SMAP1: variants seen among roughly 807,000 people sequenced by gnomAD.
SMAP1 encodes the protein stromal membrane-associated protein 1.
SMAP1 carries 24 observed loss-of-function variants against 58.5 expected under a neutral mutation model. The observed-to-expected ratio is 0.41, with a 90% CI of 0.30 to 0.58. The LOEUF (loss-of-function observed/expected upper bound fraction) is 0.58. SMAP1 is among the 20% of genes least tolerant of loss of function. The probability of loss-of-function intolerance (pLI) is 0.29; values close to 1 mark genes in which losing one functional copy is unlikely to be tolerated. For missense variants in SMAP1, 563 were observed against 566.3 expected, an observed-to-expected ratio of 0.99 and a Z score of 0.06; for synonymous variants, 216 against 196.6, an observed-to-expected ratio of 1.10 and a Z score of -0.82.
At chr6:70,729,283 C>CA (rs1399979770) in intron 1 of SMAP1, among the ~76,000 whole-genome samples, 3 of 151,744 alleles carry the variant, frequency 2.0e-5, no homozygotes, top group African/African-American at 7.3e-5. Flanking sequence ...ACTAAAAATA[C>CA]AAAAAATTAG....
rs151146805 is a variant in SMAP1, at chr6:70,765,705, A to G, written c.339-7645A>G. On this transcript the variant is annotated intron_variant, in intron 3 of 10. Transcript: ENST00000370455. ...TATACTTGACAAATTTTTATTTTAC[A>G]ATTTGTATTCACTTTTCTTTTTTTA... Among the ~76,000 whole-genome samples the G allele has an allele frequency of 6.2e-3, 947 of 151,880 alleles. 12 individuals are homozygous for G. The highest frequency in any genetic ancestry group is 0.022 in the African/African-American group (900 of 41,488).
chr6:70,857,063 T>A (rs749317678), intron 9 of SMAP1, 33 bp downstream of exon 9: 1 of 1,558,778 alleles, frequency 6.4e-7, no homozygotes, highest in South Asian at 1.2e-5. Context: ...TTCAGTGACA[T>A]TACTAGAAGT....
At chr6:70,703,554 T>A (rs1434056792) in intron 1 of SMAP1, among the ~76,000 whole-genome samples, 1 of 152,238 alleles carries the variant, frequency 6.6e-6, no homozygotes, top group African/African-American at 2.4e-5. Flanking sequence ...ATAGAATTAA[T>A]TTTTCCATTA....
intron 1 of SMAP1, among the ~76,000 whole-genome samples, chr6:70,707,722 C>A (rs1050146499): frequency 6.6e-6 from 1 of 152,162 alleles, no homozygotes; most frequent in African/African-American, 2.4e-5. Context: ...TCTCCTGCCT[C>A]AGCCTCCTGA....
intron 4 of SMAP1, among the ~76,000 whole-genome samples, chr6:70,782,579 C>T (rs537808509): frequency 9.9e-5 from 15 of 152,186 alleles, no homozygotes; most frequent in South Asian, 2.1e-4. Flanking sequence ...CCTGAAACAT[C>T]GGACTCCAAG....
chr6:70,744,348 G>A (rs1293032403), intron 2 of SMAP1, among the ~76,000 whole-genome samples: 6 of 151,204 alleles, frequency 4.0e-5, no homozygotes, highest in African/African-American at 4.9e-5. Flanking sequence ...GATAGGCCCC[G>A]GTGTGTGATG....
intron 1 of SMAP1, among the ~76,000 whole-genome samples, chr6:70,687,394 A>T (rs1045712536): frequency 2.0e-5 from 3 of 152,194 alleles, no homozygotes; most frequent in Non-Finnish European, 1.5e-5. Context: ...ATTTTATTGT[A>T]CCATGTAATT....
intron 5 of SMAP1, among the ~76,000 whole-genome samples, chr6:70,794,128 T>C (rs1768493656): frequency 6.6e-6 from 1 of 152,212 alleles, no homozygotes; most frequent in African/African-American, 2.4e-5. Flanking sequence ...TTTAACCAGT[T>C]TTCTTGCACA....
intron 1 of SMAP1, among the ~76,000 whole-genome samples, chr6:70,710,532 A>G (rs1434719165): frequency 6.6e-6 from 1 of 150,982 alleles, no homozygotes; most frequent in African/African-American, 2.4e-5. Context: ...AACGGCATAC[A>G]CATATAGGGC....
At chr6:70,748,764 G>T (rs7760267) in intron 2 of SMAP1, among the ~76,000 whole-genome samples, 75,441 of 151,758 alleles carry the variant, frequency 0.5, 19,073 homozygotes, top group Non-Finnish European at 0.52. Context: ...CTTTAAAGGG[G>T]ACAAAAGTGC....
At chr6:70,708,179 T>C (rs1359588885) in intron 1 of SMAP1, among the ~76,000 whole-genome samples, 4 of 152,202 alleles carry the variant, frequency 2.6e-5, no homozygotes, top group African/African-American at 9.7e-5. Context: ...CTGTTTACTT[T>C]TCTCCCTAGA....
At chr6:70,721,063 T>G (rs911915838) in intron 1 of SMAP1, among the ~76,000 whole-genome samples, 3 of 152,210 alleles carry the variant, frequency 2.0e-5, no homozygotes, top group African/African-American at 7.2e-5. Flanking sequence ...TTGCTACTTA[T>G]GCAAATTAGG....
At chr6:70,706,050 T>G (rs1051773471) in intron 1 of SMAP1, among the ~76,000 whole-genome samples, 1 of 152,182 alleles carries the variant, frequency 6.6e-6, no homozygotes, top group Non-Finnish European at 1.5e-5. Flanking sequence ...ATGACAGCAC[T>G]TGGTGGTTAG....
chr6:70,678,501 A>G (rs1219522966), intron 1 of SMAP1, among the ~76,000 whole-genome samples: 1 of 152,220 alleles, frequency 6.6e-6, no homozygotes, highest in Non-Finnish European at 1.5e-5. Flanking sequence ...CAAAAAAATT[A>G]ACAGAAGAAT....
intron 1 of SMAP1, among the ~76,000 whole-genome samples, chr6:70,685,038 G>A (rs1329392576): frequency 5.9e-5 from 9 of 152,170 alleles, no homozygotes; most frequent in Non-Finnish European, 1.2e-4. Context: ...GTGTCACAGG[G>A]TTGTGAGGAT....
At chr6:70,688,687 G>A (rs529219813) in intron 1 of SMAP1, among the ~76,000 whole-genome samples, 2 of 152,200 alleles carry the variant, frequency 1.3e-5, no homozygotes, top group South Asian at 4.1e-4. Flanking sequence ...CTAGATACTA[G>A]TCGTTTGTCA....
intron 3 of SMAP1, among the ~76,000 whole-genome samples, chr6:70,756,861 A>G (rs1309837528): frequency 2.0e-5 from 3 of 152,150 alleles, no homozygotes; most frequent in African/African-American, 7.2e-5. Flanking sequence ...GCTCAAGGAA[A>G]TAAAAGAGGA....
chr6:70,840,613 C>G (rs2150001089), intron 7 of SMAP1, among the ~76,000 whole-genome samples: 1 of 152,256 alleles, frequency 6.6e-6, no homozygotes, highest in East Asian at 1.9e-4. Flanking sequence ...TAAAAACAGG[C>G]ATGGGCTAGG....
At chr6:70,733,629 G>A (rs562980080) in intron 2 of SMAP1, among the ~76,000 whole-genome samples, 24 of 152,256 alleles carry the variant, frequency 1.6e-4, no homozygotes, top group African/African-American at 5.3e-4. Flanking sequence ...TCCCATGTCA[G>A]CCTTCCAAGT....
Sources: gnomAD v4.1 joint callset for allele counts (sites outside exome capture counted in the v4.1 genomes callset) on GRCh38, gnomAD v4.1.1 for gene constraint, MANE v1.5 for transcripts, NCBI Gene and HGNC (gene_info 2026-07-23, HGNC 2026-07-21) for gene names.